The following NAV3 variants were observed in gnomAD, a reference collection of about 807,000 sequenced individuals.
NAV3 encodes pore membrane and/or filament interacting like protein 1.
NAV3 carries 87 observed loss-of-function variants against 244.7 expected under a neutral mutation model. That is an observed-to-expected ratio of 0.36 (90% confidence interval 0.30 to 0.42). The LOEUF is 0.42. Ranked by LOEUF, NAV3 falls within the 20% of genes least tolerant of loss-of-function variation. NAV3 has a pLI of 1.00. For missense variants in NAV3, 2,663 were observed against 2,893.3 expected (o/e 0.92, Z 1.83); for synonymous variants, 1,126 against 1,042.2 (o/e 1.08, Z -1.55).
chr12:78,160,914 T>C (rs1054254228), intron 23 of NAV3, among the ~76,000 whole-genome samples: 1 of 151,714 alleles, frequency 6.6e-6, no homozygotes, highest in Non-Finnish European at 1.5e-5. Context: ...CTGCCTCTTT[T>C]CTATCCTTCC....
intron 18 of NAV3, among the ~76,000 whole-genome samples, chr12:78,134,685 C>T (rs865861507): frequency 2.6e-5 from 4 of 152,106 alleles, no homozygotes; most frequent in South Asian, 2.1e-4. Context: ...CCAGGAGTTA[C>T]AGGCTACAGT....
chr12:77,766,665 T>C (rs1312629784), intron 2 of NAV3, among the ~76,000 whole-genome samples: 1 of 150,512 alleles, frequency 6.6e-6, no homozygotes, highest in African/African-American at 2.4e-5. Context: ...AAAATGGTAA[T>C]CTTGACCAAA....
chr12:78,021,716 T>G (rs1485776307), intron 8 of NAV3, 31 bp from the exon 9 acceptor site: 3 of 1,450,036 alleles, frequency 2.1e-6, no homozygotes, highest in African/African-American at 2.8e-5. Context: ...CTATAACTGC[T>G]ATTTCTTTCT....
At chr12:78,012,604 A>G (rs910891970) in intron 8 of NAV3, among the ~76,000 whole-genome samples, 4 of 151,980 alleles carry the variant, frequency 2.6e-5, no homozygotes, top group African/African-American at 4.8e-5. Context: ...GCTTTAGAAC[A>G]TATCTTTGGC....
chr12:77,700,983 A>G (rs993159685), intron 2 of NAV3, among the ~76,000 whole-genome samples: 1 of 151,686 alleles, frequency 6.6e-6, no homozygotes, highest in Non-Finnish European at 1.5e-5. Flanking sequence ...ACAATTTTAT[A>G]TTAATAATGA....
At position 78,147,373 on chromosome 12, in the gene NAV3, A is replaced by G. The variant is rs17044933; in HGVS notation, c.4707+981A>G. ...GTAGTTATTCAACTCCCCTTTTATC[A>G]TTGATGCTGTATCATGAGTTATGGT... On this transcript the variant is annotated intron_variant, in intron 21 of 39. Transcript: ENST00000397909. Among the ~76,000 whole-genome samples the G allele has an allele frequency of 3.9e-3, 600 of 152,084 alleles. 6 individuals carry two copies. Among genetic ancestry groups the G allele is most frequent in the African/African-American group, 0.014 (580 of 41,514 alleles).
chr12:77,741,090 A>G (rs1413155700), intron 2 of NAV3, among the ~76,000 whole-genome samples: 1 of 149,292 alleles, frequency 6.7e-6, no homozygotes, highest in Non-Finnish European at 1.5e-5. Flanking sequence ...CTAACTAGGT[A>G]TAAAGAATTG....
chr12:78,119,127 T>C (rs1955552194), intron 14 of NAV3, 110 bp from the exon 15 acceptor site: 10 of 1,121,826 alleles, frequency 8.9e-6, no homozygotes, highest in Non-Finnish European at 1.3e-5. Context: ...ACAATACATT[T>C]AGGAAGGGAA....
chr12:78,071,373 G>A (rs1462600808), intron 12 of NAV3, among the ~76,000 whole-genome samples: 5 of 151,840 alleles, frequency 3.3e-5, no homozygotes, highest in Non-Finnish European at 7.4e-5. Context: ...GTCTGTTCAT[G>A]TCCTTCACCC....
chr12:77,779,921 T>G (rs148419795), intron 2 of NAV3, among the ~76,000 whole-genome samples: 1 of 152,358 alleles, frequency 6.6e-6, no homozygotes, highest in Non-Finnish European at 1.5e-5. Flanking sequence ...AAGCAATGCT[T>G]GTGGAAGGCA....
intron 2 of NAV3, among the ~76,000 whole-genome samples, chr12:77,763,388 A>G (rs1396402087): frequency 1.3e-5 from 2 of 152,172 alleles, no homozygotes; most frequent in East Asian, 1.9e-4. Context: ...GAGAGGTTTC[A>G]GCTTTGGTTT....
At chr12:77,721,294 AG>A (rs1311198432) in intron 2 of NAV3, among the ~76,000 whole-genome samples, 1 of 152,158 alleles carries the variant, frequency 6.6e-6, no homozygotes, top group Non-Finnish European at 1.5e-5. Flanking sequence ...CAAAAGATGT[AG>A]ATGTTGTTTT....
chr12:77,969,700 C>A (rs1449599050), intron 5 of NAV3, among the ~76,000 whole-genome samples: 1 of 152,060 alleles, frequency 6.6e-6, no homozygotes, highest in Non-Finnish European at 1.5e-5. Flanking sequence ...CAAAAAGCAG[C>A]CAGGTGTGGT....
chr12:77,622,171 C>CTTTTTTTTTTTTT (rs1405341582), intron 2 of NAV3, among the ~76,000 whole-genome samples: 2 of 150,676 alleles, frequency 1.3e-5, no homozygotes, highest in African/African-American at 4.9e-5. Context: ...TTTCTTTTTT[C>CTTTTTTTTTTTTT]TTTTTTGAGA....
intron 1 of NAV3, among the ~76,000 whole-genome samples, chr12:77,836,458 A>AT (rs1229188880): frequency 6.6e-6 from 1 of 152,140 alleles, no homozygotes; most frequent in African/African-American, 2.4e-5. Flanking sequence ...GAAAGCAATT[A>AT]TTTTTTGTGG....
chr12:77,699,498 C>T (rs1435042687), intron 2 of NAV3, among the ~76,000 whole-genome samples: 1 of 152,066 alleles, frequency 6.6e-6, no homozygotes, highest in Non-Finnish European at 1.5e-5. Flanking sequence ...TGTCTTGTCT[C>T]TATGATATCT....
intron 1 of NAV3, among the ~76,000 whole-genome samples, chr12:77,938,051 C>A (rs888179475): frequency 2.2e-4 from 34 of 152,258 alleles, no homozygotes; most frequent in African/African-American, 7.2e-4. Context: ...CAAGTCAGAT[C>A]TGTCTGACTC....
chr12:77,828,856 A>G, upstream of NAV3, among the ~76,000 whole-genome samples: 1 of 152,244 alleles, frequency 6.6e-6, no homozygotes, highest in East Asian at 1.9e-4. Flanking sequence ...GAATTACGAT[A>G]CATTCTCCTC....
chr12:78,125,623 C>T (rs1868373), intron 16 of NAV3, among the ~76,000 whole-genome samples: 93,312 of 152,036 alleles, frequency 0.61, 28,927 homozygotes, highest in Admixed American at 0.64. Context: ...GCAGTCAGTG[C>T]CTGTCTGCTT....
Sources: allele counts gnomAD v4.1 joint callset (sites outside exome capture counted in the v4.1 genomes callset), GRCh38; gene constraint gnomAD v4.1.1; transcripts MANE v1.5; gene names NCBI Gene and HGNC (gene_info 2026-07-23, HGNC 2026-07-21).